ADGRL3: variants seen among roughly 807,000 people sequenced by gnomAD.
The protein encoded by ADGRL3 is adhesion G protein-coupled receptor L3.
In ADGRL3, 62 loss-of-function variants were observed where a neutral mutation model predicts 153.5. That is an observed-to-expected ratio of 0.40 (90% CI 0.33 to 0.50). ADGRL3 has a LOEUF of 0.50. Ranked by LOEUF, ADGRL3 falls within the 20% of genes least tolerant of loss-of-function variation. The probability of loss-of-function intolerance (pLI) is 0.47; values close to 1 mark genes in which losing one functional copy is unlikely to be tolerated. For missense variants in ADGRL3, 1,641 were observed against 1,859.4 expected, an observed-to-expected ratio of 0.88 and a Z score of 2.16; for synonymous variants, 710 against 672.5, an observed-to-expected ratio of 1.06 and a Z score of -0.86.
chr4:61,440,245 C>T (rs1440797147), intron 2 of ADGRL3, among the ~76,000 whole-genome samples: 2 of 152,064 alleles, frequency 1.3e-5, no homozygotes, highest in African/African-American at 2.4e-5. Flanking sequence ...GCCAGGGTTT[C>T]GCCAATGTTG....
chr4:61,813,662 G>A (rs2097656058), intron 8 of ADGRL3, 147 bp from the exon 9 acceptor site: 1 of 773,768 alleles, frequency 1.3e-6, no homozygotes, highest in South Asian at 2.4e-5. Flanking sequence ...ATGACACATT[G>A]TTTTTATGTT....
intron 4 of ADGRL3, among the ~76,000 whole-genome samples, chr4:61,559,905 C>T (rs2098787317): frequency 6.6e-6 from 1 of 151,958 alleles, no homozygotes; most frequent in South Asian, 2.1e-4. Context: ...GTGATCGTCA[C>T]TCCCAGAACA....
At chr4:61,368,666 G>C (rs886209330) in intron 1 of ADGRL3, among the ~76,000 whole-genome samples, 4 of 152,046 alleles carry the variant, frequency 2.6e-5, no homozygotes, top group African/African-American at 9.7e-5. Context: ...GTAGTGTGAT[G>C]CCTCCAGCTT....
At chr4:61,351,222 ACT>A (rs2096042079) in intron 1 of ADGRL3, among the ~76,000 whole-genome samples, 1 of 152,194 alleles carries the variant, frequency 6.6e-6, no homozygotes, top group African/African-American at 2.4e-5. Flanking sequence ...GAAGGCCCTC[ACT>A]CTCTTCAGTT....
At chr4:61,246,597 G>C (rs1277806076) in intron 1 of ADGRL3, among the ~76,000 whole-genome samples, 1 of 151,678 alleles carries the variant, frequency 6.6e-6, no homozygotes, top group Admixed American at 6.6e-5. Context: ...TAAATTTTAT[G>C]TTTTATTATT....
At chr4:61,332,181 C>T (rs1174362108) in intron 1 of ADGRL3, among the ~76,000 whole-genome samples, 2 of 152,132 alleles carry the variant, frequency 1.3e-5, no homozygotes, top group East Asian at 1.9e-4. Context: ...TTTGCACTAC[C>T]ATCATAAATT....
At chr4:61,459,714 T>C (rs2097788817) in intron 2 of ADGRL3, among the ~76,000 whole-genome samples, 1 of 151,974 alleles carries the variant, frequency 6.6e-6, no homozygotes. Flanking sequence ...TTGCCAGAAT[T>C]TTTTTTGTCT....
At position 62,075,017 on chromosome 4, in the gene ADGRL3, G is replaced by T. The variant is rs930785414; in HGVS notation, c.*4109G>T. On this transcript the variant is annotated 3_prime_UTR_variant, in exon 27 of 27. Transcript: ENST00000683033. ...TTTAAGGAATGACATTAAAAATTTC[G>T]ACTGACTTTCTACATTACTGTAAAG... The T allele has an allele frequency of 7.9e-5, 12 of 151,910 alleles. No individual in the cohort carries two copies. Among genetic ancestry groups the T allele is most frequent in the African/African-American group, 2.9e-4 (12 of 41,382 alleles). The allele number at this position is 151,910 out of a possible 1,614,324, so 9.4% of individuals were successfully genotyped here.
intron 4 of ADGRL3, among the ~76,000 whole-genome samples, chr4:61,554,169 GTATTTTATTT>G (rs71211394): frequency 5.0e-5 from 7 of 138,826 alleles, no homozygotes; most frequent in Admixed American, 2.2e-4. Context: ...CCTAACTTAG[GTATTTTATTT>G]TATTTTATTT....
chr4:61,548,935 GT>G (rs1209187951), intron 4 of ADGRL3, among the ~76,000 whole-genome samples: 2 of 151,890 alleles, frequency 1.3e-5, no homozygotes, highest in Non-Finnish European at 2.9e-5. Context: ...GGCAATATGG[GT>G]GTTTTAACAA....
At chr4:61,750,679 A>T (rs1261943329) in intron 8 of ADGRL3, among the ~76,000 whole-genome samples, 1 of 151,116 alleles carries the variant, frequency 6.6e-6, no homozygotes, top group Non-Finnish European at 1.5e-5. Context: ...AGTCCCAGCT[A>T]CTTGGGAGGC....
intron 1 of ADGRL3, among the ~76,000 whole-genome samples, chr4:61,372,482 C>G (rs979785289): frequency 2.0e-5 from 3 of 152,096 alleles, no homozygotes; most frequent in African/African-American, 7.2e-5. Context: ...TGTTGGAGTA[C>G]CCTGCAGTGT....
At chr4:61,501,162 T>C (rs1046614989) in intron 3 of ADGRL3, among the ~76,000 whole-genome samples, 1 of 152,164 alleles carries the variant, frequency 6.6e-6, no homozygotes, top group African/African-American at 2.4e-5. Context: ...AACTGGTTAA[T>C]AAATATCATT....
chr4:61,766,270 T>C (rs2096978424), intron 8 of ADGRL3, among the ~76,000 whole-genome samples: 1 of 152,024 alleles, frequency 6.6e-6, no homozygotes, highest in Admixed American at 6.6e-5. Flanking sequence ...AGTATATGCA[T>C]CAGGTATGAG....
At chr4:61,566,593 G>A (rs2098817261) in intron 4 of ADGRL3, among the ~76,000 whole-genome samples, 1 of 151,970 alleles carries the variant, frequency 6.6e-6, no homozygotes, top group African/African-American at 2.4e-5. Context: ...ATGTATGGGA[G>A]GAGACTAACA....
intron 5 of ADGRL3, among the ~76,000 whole-genome samples, chr4:61,662,789 C>G (rs1052331995): frequency 9.2e-5 from 14 of 152,150 alleles, no homozygotes; most frequent in Non-Finnish European, 1.8e-4. Flanking sequence ...TGGACCAATC[C>G]CATAAAAACC....
intron 21 of ADGRL3, among the ~76,000 whole-genome samples, chr4:62,026,338 A>G (rs768937689): frequency 1.6e-4 from 24 of 152,032 alleles, no homozygotes; most frequent in Non-Finnish European, 1.9e-4. Flanking sequence ...AGAGGAGACC[A>G]ATTCCAATCC....
Position 61,247,253 on chromosome 4 carries a change from A to G in ADGRL3, c.-240+45488A>G, listed in dbSNP as rs1216888851. Among the ~76,000 whole-genome samples, 5 of 152,216 alleles carry G rather than the reference A, an allele frequency of 3.3e-5. No individual in the cohort carries two copies. In the East Asian group the frequency reaches 9.7e-4, roughly 29 times the overall value. ...ATCCTGGGGATAGGGTGCTGGGTAC[A>G]ACACATAAAGAGCCTTCATTGCATT... is the stretch of plus-strand genomic sequence containing the variant. On this transcript the variant is annotated intron_variant, in intron 1 of 26. Coordinates refer to ENST00000683033, the MANE Select transcript of ADGRL3 (RefSeq NM_001387552.1).
chr4:62,063,801 G>C (rs1316060937), intron 25 of ADGRL3, among the ~76,000 whole-genome samples: 1 of 151,730 alleles, frequency 6.6e-6, no homozygotes, highest in Non-Finnish European at 1.5e-5. Flanking sequence ...ACTTTCCTTA[G>C]GTTTTCCTTA....
Sources: gnomAD v4.1 joint callset for allele counts (sites outside exome capture counted in the v4.1 genomes callset) on GRCh38, gnomAD v4.1.1 for gene constraint, MANE v1.5 for transcripts, NCBI Gene and HGNC (gene_info 2026-07-23, HGNC 2026-07-21) for gene names.